The following EPB41L3 variants were observed in gnomAD, a reference collection of about 807,000 sequenced individuals.
The protein encoded by EPB41L3 is erythrocyte membrane protein band 4.1 like 3, also known as band 4.1-like protein 3.
Under a neutral mutation model 127.1 loss-of-function variants are expected in EPB41L3, and 57 were observed. That is an observed-to-expected ratio of 0.45 (90% CI 0.36 to 0.56). EPB41L3 has a LOEUF of 0.56. Ranked by LOEUF, EPB41L3 falls within the 20% of genes least tolerant of loss-of-function variation. The pLI is 0.00. For missense variants in EPB41L3, 1,273 were observed against 1,372.2 expected (o/e 0.93, Z 1.14); for synonymous variants, 572 against 549.5 (o/e 1.04, Z -0.57).
intron 1 of EPB41L3, among the ~76,000 whole-genome samples, chr18:5,625,300 G>A (rs2094910526): frequency 6.6e-6 from 1 of 151,882 alleles, no homozygotes; most frequent in African/African-American, 2.4e-5. Flanking sequence ...GGTAGCAAGA[G>A]CCAGAGCCAG....
At chr18:5,540,193 A>T in intron 1 of EPB41L3, 1 of 268,942 alleles carries the variant, frequency 3.7e-6, no homozygotes, top group Non-Finnish European at 5.7e-6. Context: ...AAAAAATTAC[A>T]GTTTTCTCTA....
At chr18:5,595,901 C>T (rs2094532390) in intron 3 of EPB41L3, among the ~76,000 whole-genome samples, 1 of 152,060 alleles carries the variant, frequency 6.6e-6, no homozygotes, top group African/African-American at 2.4e-5. Flanking sequence ...ATGTATATTC[C>T]AGTAGGTGGC....
chr18:5,415,899 C>T lies in EPB41L3; in HGVS notation c.1986G>A (p.Leu662=). The T allele has an allele frequency of 6.2e-7, 1 of 1,613,892 alleles. No homozygotes were observed. The highest frequency in any genetic ancestry group is 8.5e-7 in the Non-Finnish European group (1 of 1,179,986). ...CCTTGGGCTCCAGGTAGCAGAGGCA[C>T]AGAGCCAGAGGGAAGGAGAGAGTGA... ...YALTLSFPLA[L]CLCYLEPKAA... is the part of the protein sequence containing the mutation. Residue 662 remains leucine, a synonymous_variant, in exon 13 of 23, where the codon CTG becomes CTA. Coordinates refer to ENST00000341928, the MANE Select transcript of EPB41L3 (RefSeq NM_012307.5).
chr18:5,592,047 TA>T (rs937769794), intron 3 of EPB41L3, among the ~76,000 whole-genome samples: 3 of 152,208 alleles, frequency 2.0e-5, no homozygotes, highest in African/African-American at 7.2e-5. Context: ...TCTTGACTCT[TA>T]AAAACAGAAA....
At chr18:5,518,271 T>G (rs2092832198) in intron 1 of EPB41L3, among the ~76,000 whole-genome samples, 2 of 152,046 alleles carry the variant, frequency 1.3e-5, no homozygotes. Flanking sequence ...CCACACTGGC[T>G]TCCCTGCCAC....
chr18:5,424,413 A>C, intron 9 of EPB41L3, 54 bp from the exon 10 acceptor site: 1 of 1,405,180 alleles, frequency 7.1e-7, no homozygotes, highest in East Asian at 2.4e-5. Flanking sequence ...AAATAACAGA[A>C]GCCCTGTAAA....
At chr18:5,464,354 T>C (rs1301490491) in intron 3 of EPB41L3, among the ~76,000 whole-genome samples, 4 of 152,168 alleles carry the variant, frequency 2.6e-5, no homozygotes, top group African/African-American at 9.7e-5. Flanking sequence ...GAGGAATCTT[T>C]ACTCCTAAGA....
intron 3 of EPB41L3, among the ~76,000 whole-genome samples, chr18:5,475,046 CAA>C (rs1325422120): frequency 6.6e-6 from 1 of 152,110 alleles, no homozygotes; most frequent in Non-Finnish European, 1.5e-5. Flanking sequence ...TCCACCTTTC[CAA>C]TTAACTGAGA....
intron 11 of EPB41L3, 146 bp from the exon 12 acceptor site, chr18:5,420,023 A>AC: frequency 6.8e-7 from 1 of 1,468,196 alleles, no homozygotes; most frequent in Non-Finnish European, 9.0e-7. Flanking sequence ...CTGAAAAAAA[A>AC]AATACCAACA....
At chr18:5,413,019 A>C (rs2144545438) in intron 13 of EPB41L3, among the ~76,000 whole-genome samples, 1 of 152,310 alleles carries the variant, frequency 6.6e-6, no homozygotes, top group East Asian at 1.9e-4. Context: ...GTGCCTGATC[A>C]AGAGTCAATA....
intron 3 of EPB41L3, among the ~76,000 whole-genome samples, chr18:5,590,320 T>C (rs887416863): frequency 4.6e-5 from 7 of 152,172 alleles, no homozygotes; most frequent in Non-Finnish European, 7.3e-5. Flanking sequence ...CAAGGGTCTG[T>C]TCCTTTCCTC....
intron 1 of EPB41L3, among the ~76,000 whole-genome samples, chr18:5,624,438 T>C (rs901703312): frequency 1.3e-5 from 2 of 152,264 alleles, no homozygotes; most frequent in East Asian, 1.9e-4. Context: ...CACATGACTA[T>C]AATCTCATCA....
chr18:5,461,034 T>C (rs948603965), intron 3 of EPB41L3, among the ~76,000 whole-genome samples: 4 of 152,122 alleles, frequency 2.6e-5, no homozygotes, highest in African/African-American at 9.7e-5. Flanking sequence ...TTTATTTTTT[T>C]CCCCCCTATC....
intron 2 of EPB41L3, among the ~76,000 whole-genome samples, chr18:5,484,160 C>A (rs2089274828): frequency 1.3e-5 from 1 of 74,536 alleles, no homozygotes; most frequent in Non-Finnish European, 2.9e-5. Context: ...TTCCTGACCA[C>A]AATGGAATAA....
chr18:5,595,936 A>C (rs537925484), intron 3 of EPB41L3, among the ~76,000 whole-genome samples: 8 of 152,298 alleles, frequency 5.3e-5, no homozygotes, highest in Admixed American at 4.6e-4. Flanking sequence ...CCATCCCCAC[A>C]TTCTCTGGGG....
At chr18:5,515,986 T>C (rs2148737027) in intron 1 of EPB41L3, among the ~76,000 whole-genome samples, 1 of 152,268 alleles carries the variant, frequency 6.6e-6, no homozygotes, top group African/African-American at 2.4e-5. Context: ...CTATAAAAGC[T>C]GCTAATATAA....
At chr18:5,395,513 T>C (rs1407093322) in intron 20 of EPB41L3, 96 bp downstream of exon 20, 2 of 1,163,068 alleles carry the variant, frequency 1.7e-6, no homozygotes, top group African/African-American at 3.0e-5. Context: ...CAAGCCACCT[T>C]GTGCTTGTGC....
Position 5,587,981 on chromosome 18 carries a change from T to G in EPB41L3, c.-306+24359A>C, listed in dbSNP as rs183326720. Among the ~76,000 whole-genome samples, 114 of 152,198 alleles carry G rather than the reference T, an allele frequency of 7.5e-4. 2 individuals carry two copies. The East Asian group carries it at 0.014, about 18-fold the overall frequency. On this transcript the variant is annotated intron_variant, in intron 3 of 21. Transcript: ENST00000545076. Reference sequence around the variant, plus strand: ...AGACAAGAGTAAAATGCAGATCAGATCACGCAAAAGAACGCTAACATGGCA... The same window carrying G: ...AGACAAGAGTAAAATGCAGATCAGAGCACGCAAAAGAACGCTAACATGGCA...
At chr18:5,546,403 C>T (rs1159085692), upstream of EPB41L3, among the ~76,000 whole-genome samples, 9 of 151,762 alleles carry the variant, frequency 5.9e-5, no homozygotes, top group African/African-American at 9.7e-5. Flanking sequence ...TAGTGGTGGG[C>T]GCCTGTAATC....
Sources: allele counts gnomAD v4.1 joint callset (sites outside exome capture counted in the v4.1 genomes callset), GRCh38; gene constraint gnomAD v4.1.1; transcripts MANE v1.5; gene names NCBI Gene and HGNC (gene_info 2026-07-23, HGNC 2026-07-21).